Variants in LAMB3 observed in about 807,000 individuals in gnomAD.
The protein encoded by LAMB3 is laminin subunit beta 3.
In LAMB3, 104 loss-of-function variants were observed where a neutral mutation model predicts 140.3. The observed-to-expected ratio is 0.74, with a 90% CI of 0.63 to 0.87. The LOEUF (loss-of-function observed/expected upper bound fraction) is 0.87. LAMB3 is among the 40% of genes least tolerant of loss of function. The pLI is 0.00. For synonymous variants in LAMB3, 592 were observed against 602.9 expected (o/e 0.98, Z 0.26); for missense variants, 1,531 against 1,575.2 (o/e 0.97, Z 0.47).
intron 3 of LAMB3, among the ~76,000 whole-genome samples, chr1:209,645,058 T>C (rs2076503843): frequency 6.6e-6 from 1 of 152,162 alleles, no homozygotes; most frequent in Admixed American, 6.5e-5. Flanking sequence ...GCTTTTAACC[T>C]CACAAGGCCT....
At position 209,617,941 on chromosome 1, in the gene LAMB3, C is replaced by A. The variant is rs751193145; in HGVS notation, c.3017G>T (p.Arg1006Leu). 10 of 1,614,088 alleles carry A rather than the reference C, an allele frequency of 6.2e-6. No homozygotes were observed. The Admixed American group carries it at 1.0e-4, about 16-fold the overall frequency. The change falls in exon 20 of 23, where the codon CGC becomes CTC. Residue 1006 changes from arginine (R) to leucine (L), a missense_variant. Transcript: ENST00000356082. ...CCTGTCCTGGATAAGCCGAAGGGAG[C>A]GGCTGGTGCCTTGCATGGTGTCCTG... ...EAQDTMQGTS[R>L]SLRLIQDRVA... is the part of the protein sequence containing the mutation.
At chr1:209,625,623 A>G (rs372943897) in intron 14 of LAMB3, 25 bp downstream of exon 14, 30 of 1,613,906 alleles carry the variant, frequency 1.9e-5, no homozygotes, top group Non-Finnish European at 2.3e-5. Flanking sequence ...ATTCTTGCAA[A>G]TGCTTGGCAG....
At position 209,626,888 on chromosome 1, in the gene LAMB3, C is replaced by T. The variant is rs2102422703; in HGVS notation, c.1576G>A (p.Asp526Asn). 1 of 1,613,820 alleles carries T rather than the reference C, an allele frequency of 6.2e-7. No individual in the cohort carries two copies. The change falls in exon 13 of 23, where the codon GAC becomes AAC. Residue 526 changes from aspartate to asparagine, a missense_variant. Coordinates refer to ENST00000356082, the MANE Select transcript of LAMB3 (RefSeq NM_000228.3). Reference protein sequence around the residue: ...IRQCPDRTYGDVATGCRACDC... With the variant: ...IRQCPDRTYGNVATGCRACDC... ...GCACCTCGGCATCCTGTGGCCACGTCTCCATAGGTCCGGTCTGGACACTGG... is the reference window on the plus strand; with the variant it reads ...GCACCTCGGCATCCTGTGGCCACGTTTCCATAGGTCCGGTCTGGACACTGG...
chr1:209,647,089 A>T (rs1314298721), intron 3 of LAMB3, among the ~76,000 whole-genome samples: 1 of 152,272 alleles, frequency 6.6e-6, no homozygotes, highest in Non-Finnish European at 1.5e-5. Context: ...AAAGCAGATG[A>T]GCCCAGAAGG....
chr1:209,638,682 T>C (rs746908477), intron 3 of LAMB3, 34 bp from the exon 4 acceptor site: 2 of 1,430,076 alleles, frequency 1.4e-6, no homozygotes, highest in East Asian at 2.3e-5. Flanking sequence ...CACTCAGAGG[T>C]GGGGTCCTGA....
chr1:209,619,971 T>C (rs189136258), intron 18 of LAMB3, among the ~76,000 whole-genome samples: 6 of 152,322 alleles, frequency 3.9e-5, no homozygotes, highest in East Asian at 1.9e-4. Flanking sequence ...ACCTTCCTAA[T>C]AGAGCTCGTC....
intron 14 of LAMB3, among the ~76,000 whole-genome samples, chr1:209,624,740 C>A (rs754929534): frequency 6.6e-6 from 1 of 152,158 alleles, no homozygotes; most frequent in African/African-American, 2.4e-5. Context: ...TTATAGTTTA[C>A]CATTTACACA....
chr1:209,635,288 C>T (rs892437075), intron 5 of LAMB3, among the ~76,000 whole-genome samples: 34 of 152,226 alleles, frequency 2.2e-4, no homozygotes, highest in African/African-American at 7.5e-4. Flanking sequence ...CCAGGCCTGT[C>T]TCTCCAGCTT....
rs113339950 is a variant in LAMB3, at chr1:209,622,969, C to T, written c.2556+13G>A. 5,293 of 1,612,352 alleles carry T rather than the reference C, an allele frequency of 3.3e-3. 137 individuals are homozygous for T. In the African/African-American group the frequency reaches 0.06, roughly 18 times the overall value. On this transcript the variant is annotated intron_variant, in intron 17 of 22. Coordinates refer to ENST00000356082, the MANE Select transcript of LAMB3 (RefSeq NM_000228.3). ...CCTCCTACCTGTGCCCACCCCGCCT[C>T]GGCTGCACTTACCATCTGCCTGGTC...
In LAMB3 at chr1:209,628,205, C is replaced by T. The variant is rs1273804933; in HGVS notation, c.1133-15G>A. On this transcript the variant is annotated splice_polypyrimidine_tract_variant and intron_variant, in intron 10 of 22. Coordinates refer to ENST00000356082, the MANE Select transcript of LAMB3 (RefSeq NM_000228.3). The stretch of plus-strand genomic sequence containing the variant: ...ACACTCGCAGGCTGAGAGACAACAG[C>T]AGCCACCGCAGTAGGAACAAAGAAA... 1 of 1,552,924 alleles carries T rather than the reference C, an allele frequency of 6.4e-7. No homozygotes were observed. Among genetic ancestry groups the T allele is most frequent in the Non-Finnish European group, 8.7e-7 (1 of 1,147,784 alleles).
intron 13 of LAMB3, 94 bp downstream of exon 13, chr1:209,626,773 C>A: frequency 1.1e-6 from 1 of 881,180 alleles, no homozygotes; most frequent in South Asian, 1.4e-5. Context: ...TACAGGACAT[C>A]CTGCCCTGCT....
intron 1 of LAMB3, chr1:209,651,206 C>T (rs2076563872): frequency 7.5e-6 from 4 of 533,166 alleles, no homozygotes; most frequent in East Asian, 3.4e-5. Flanking sequence ...GGGAAAATCC[C>T]ATCCCTTCCC....
intron 3 of LAMB3, among the ~76,000 whole-genome samples, chr1:209,642,498 T>C (rs6540545): frequency 0.92 from 140,349 of 152,170 alleles, 64,784 homozygotes; most frequent in East Asian, 1. Flanking sequence ...TTTTTTGAGA[T>C]AGGGTCTCAC....
intron 6 of LAMB3, 29 bp downstream of exon 6, chr1:209,634,418 G>T: frequency 6.2e-6 from 10 of 1,604,306 alleles, no homozygotes; most frequent in African/African-American, 2.7e-5. Context: ...TTCTCCCCAG[G>T]CCTACTTTTC....
At chr1:209,639,766 G>A (rs1351987020) in intron 3 of LAMB3, among the ~76,000 whole-genome samples, 1 of 152,270 alleles carries the variant, frequency 6.6e-6, no homozygotes, top group South Asian at 2.1e-4. Context: ...CAAACCCTGT[G>A]CGCAGCTTAA....
Position 209,618,477 on chromosome 1 carries a change from A to C in LAMB3, c.2884T>G (p.Leu962Val). ...CTGGCTTCCTCAGCCTCAGCCTGCA[A>C]CCGGCGGGCACGCGCAATGTCCTGC... is the stretch of plus-strand genomic sequence containing the variant. ...TKQDIARARRLQAEAEEARSR... is the reference protein window; with the variant it reads ...TKQDIARARRVQAEAEEARSR... Residue 962 changes from leucine (L) to valine (V), a missense_variant, in exon 19 of 23, where the codon TTG becomes GTG. Leu to Val is a conservative substitution (Grantham distance 32). Coordinates refer to ENST00000356082, the MANE Select transcript of LAMB3 (RefSeq NM_000228.3). 6.2e-7 allele frequency: 1 copy of C among 1,614,156 alleles called. No individual in the cohort carries two copies. Among genetic ancestry groups the C allele is most frequent in the Non-Finnish European group, 8.5e-7 (1 of 1,180,042 alleles).
At position 209,623,211 on chromosome 1, in the gene LAMB3, C is replaced by A. The variant is rs1190917886; in HGVS notation, c.2359-32G>T. On this transcript the variant is annotated intron_variant, in intron 16 of 22. Coordinates refer to ENST00000356082, the MANE Select transcript of LAMB3 (RefSeq NM_000228.3). The surrounding 1 kb of genome is among the most constrained non-coding windows in gnomAD (Gnocchi z 4.2). Reference sequence around the variant, plus strand: ...ACAGATGGCGGTGTTAAAGAGGCTACCCAAAGCCCCTCAATAACCAATCCC... The same window carrying A: ...ACAGATGGCGGTGTTAAAGAGGCTAACCAAAGCCCCTCAATAACCAATCCC... 1 of 1,610,216 alleles carries A rather than the reference C, an allele frequency of 6.2e-7. No homozygotes were observed.
Position 209,617,395 on chromosome 1 carries a change from C to T in LAMB3, c.3228+15G>A. On this transcript the variant is annotated intron_variant, in intron 21 of 22. Coordinates refer to ENST00000356082, the MANE Select transcript of LAMB3 (RefSeq NM_000228.3). The stretch of plus-strand genomic sequence containing the variant: ...CTGGCCGTACATCATTGAGCTAACT[C>T]CGCCTTCTCTGTACCTCTTGGGCAC... 1 of 1,611,920 alleles carries T rather than the reference C, an allele frequency of 6.2e-7. No homozygotes were observed. Among genetic ancestry groups the T allele is most frequent in the Non-Finnish European group, 8.5e-7 (1 of 1,179,912 alleles).
In LAMB3 at chr1:209,623,104, T is replaced by C. The variant is rs1301879135; in HGVS notation, c.2434A>G (p.Thr812Ala). ...CCCCTGCAGCGGGAGCCACAGGCTGTGCCATTGTCTTGGGGACATAGCTCA... is the reference window on the plus strand; with the variant it reads ...CCCCTGCAGCGGGAGCCACAGGCTGCGCCATTGTCTTGGGGACATAGCTCA... The part of the protein sequence containing the change: ...PGELCPQDNG[T>A]ACGSRCRGVL... Residue 812 changes from threonine to alanine, a missense_variant, in exon 17 of 23, where the codon ACA (threonine) becomes GCA (alanine). Transcript: ENST00000356082. This position sits in a 1 kb window ranked among gnomAD's most constrained non-coding sequence, Gnocchi z 4.2. 7 of 1,614,122 alleles carry C rather than the reference T, an allele frequency of 4.3e-6. No individual in the cohort carries two copies. In the African/African-American group the frequency reaches 5.3e-5, roughly 12 times the overall value.
Sources: gnomAD v4.1 joint callset for allele counts (sites outside exome capture counted in the v4.1 genomes callset) on GRCh38, gnomAD v4.1.1 for gene constraint, Gnocchi (gnomAD v3.1) non-coding constraint, MANE v1.5 for transcripts, NCBI Gene and HGNC (gene_info 2026-07-23, HGNC 2026-07-21) for gene names.